The following CPB2 variants were observed in gnomAD, a reference collection of about 807,000 sequenced individuals.
CPB2 encodes carboxypeptidase B-like protein.
Under a neutral mutation model 57.0 loss-of-function variants are expected in CPB2, and 54 were observed. That is an observed-to-expected ratio of 0.95 (90% CI 0.76 to 1.19). The LOEUF is 1.19. Among genes scored for constraint, CPB2 ranks in the 50% most tolerant of loss-of-function variants. CPB2 has a pLI of 0.00. For missense variants in CPB2, 426 were observed against 512.0 expected (o/e 0.83, Z 1.62); for synonymous variants, 189 against 178.1 (o/e 1.06, Z -0.49).
intron 1 of CPB2, among the ~76,000 whole-genome samples, chr13:46,092,861 T>C (rs917035964): frequency 5.3e-5 from 8 of 152,110 alleles, no homozygotes; most frequent in South Asian, 2.1e-4. Flanking sequence ...AAGGTAACAT[T>C]TGAGCTGTGA....
At chr13:46,086,006 C>T (rs529766067) in intron 2 of CPB2, among the ~76,000 whole-genome samples, 7 of 152,084 alleles carry the variant, frequency 4.6e-5, no homozygotes, top group Non-Finnish European at 1.0e-4. Context: ...ATGCTGGCTG[C>T]GGCAGGGTGG....
chr13:46,053,361 A>T lies in CPB2; in HGVS notation c.*253T>A. The T allele has an allele frequency of 2.8e-6, 1 of 355,140 alleles. No individual in the cohort carries two copies. Among genetic ancestry groups the T allele is most frequent in the Non-Finnish European group, 4.9e-6 (1 of 203,380 alleles). 22.0% of individuals were successfully genotyped at this position (355,140 alleles called of 1,614,324 possible). A position where few individuals can be genotyped will look rare whatever the true frequency, so the allele number is the denominator to read the frequency against. On this transcript the variant is annotated 3_prime_UTR_variant, in exon 11 of 11. Transcript: ENST00000181383. ...ACGTCGAAACTTGCTTGAGATGGCT[A>T]GTCAAACGTCGAAAATCAAAGAAAA...
intron 2 of CPB2, among the ~76,000 whole-genome samples, chr13:46,085,443 T>C (rs1425618711): frequency 6.6e-6 from 1 of 152,156 alleles, no homozygotes; most frequent in Non-Finnish European, 1.5e-5. Flanking sequence ...GGTGACCCAC[T>C]AGAAGCTGAG....
At chr13:46,100,721 A>G (rs2045423936) in intron 1 of CPB2, 1 of 152,178 alleles carries the variant, frequency 6.6e-6, no homozygotes, top group African/African-American at 2.4e-5. Context: ...TTAAAATGAA[A>G]AGAAACACTT....
intron 6 of CPB2, among the ~76,000 whole-genome samples, chr13:46,068,335 T>C (rs534741128): frequency 6.6e-6 from 1 of 152,322 alleles, no homozygotes; most frequent in Non-Finnish European, 1.5e-5. Context: ...CTATTTTCCC[T>C]TTAAACGTTT....
Position 46,058,284 on chromosome 13 carries a change from T to C in CPB2, c.894A>G (p.Arg298=), listed in dbSNP as rs559840133. Residue 298 remains arginine (R), a synonymous_variant, in exon 9 of 11, where the codon AGA becomes AGG. Coordinates refer to ENST00000181383, the MANE Select transcript of CPB2 (RefSeq NM_001872.5). Reference sequence around the variant, plus strand: ...TGTATGCTTTAATCTGGTTGATATTTCTTCTCAAGAAACTAGCCACTGCCT... The same window carrying C: ...TGTATGCTTTAATCTGGTTGATATTCCTTCTCAAGAAACTAGCCACTGCCT... ...EVKAVASFLR[R]NINQIKAYIS... 6.2e-7 allele frequency: 1 copy of C among 1,614,140 alleles called. No homozygotes were observed. The highest frequency in any genetic ancestry group is 1.3e-5 in the African/African-American group (1 of 75,058).
chr13:46,101,584 G>T (rs2045434583), intron 1 of CPB2, among the ~76,000 whole-genome samples: 1 of 152,128 alleles, frequency 6.6e-6, no homozygotes, highest in South Asian at 2.1e-4. Flanking sequence ...AAAAACTAAA[G>T]CTGTGTTTCA....
intron 6 of CPB2, among the ~76,000 whole-genome samples, chr13:46,072,790 T>G (rs1395882966): frequency 6.6e-6 from 1 of 152,174 alleles, no homozygotes; most frequent in Non-Finnish European, 1.5e-5. Context: ...TAAATGTTCT[T>G]ACTCTCCTAC....
chr13:46,083,882 A>G (rs1012429192), intron 3 of CPB2, among the ~76,000 whole-genome samples: 11 of 152,190 alleles, frequency 7.2e-5, no homozygotes, highest in African/African-American at 2.4e-4. Context: ...CTGCTTTTTC[A>G]GGAGATATCA....
chr13:46,085,677 A>G (rs921505855), intron 2 of CPB2, among the ~76,000 whole-genome samples: 1 of 152,126 alleles, frequency 6.6e-6, no homozygotes, highest in African/African-American at 2.4e-5. Flanking sequence ...TCTATCCTCC[A>G]ACAGCATTCC....
chr13:46,082,500 CGTT>C lies in CPB2; in HGVS notation c.322_324del (p.Asn108del). The C allele has an allele frequency of 6.2e-7, 1 of 1,613,682 alleles. No individual in the cohort carries two copies. ...GCGGAGGCTCGGGGGCTGACTGTGT[CGTT>C]GGAAATCTGCTGTTGAATAAGATCT... is the stretch of plus-strand genomic sequence containing the variant. On this transcript the variant is annotated inframe_deletion, in exon 4 of 11. Coordinates refer to ENST00000181383, the MANE Select transcript of CPB2 (RefSeq NM_001872.5).
At position 46,085,977 on chromosome 13, in the gene CPB2, C is replaced by T. The variant is rs1250835606; in HGVS notation, c.151-1634G>A. ...GTGAGTGAGCAGGTGTGGGGTCCAG[C>T]TACTACACACAGCGAGGCATGCTGG... On this transcript the variant is annotated intron_variant, in intron 2 of 10. Transcript: ENST00000181383. 7.2e-5 allele frequency among the ~76,000 whole-genome samples: 11 copies of T among 152,232 alleles called. No individual in the cohort carries two copies. In the East Asian group the frequency reaches 2.1e-3, roughly 29 times the overall value.
At chr13:46,093,457 T>A (rs2045322979) in intron 1 of CPB2, among the ~76,000 whole-genome samples, 1 of 152,222 alleles carries the variant, frequency 6.6e-6, no homozygotes, top group South Asian at 2.1e-4. Flanking sequence ...CTAAAAACCA[T>A]GTGAATGCTC....
intron 5 of CPB2, among the ~76,000 whole-genome samples, chr13:46,078,478 C>G (rs184142813): frequency 5.5e-4 from 83 of 152,118 alleles, no homozygotes; most frequent in African/African-American, 1.9e-3. Flanking sequence ...AGAATTGAAG[C>G]CTTAACCCCC....
At chr13:46,085,758 T>G (rs2045193697) in intron 2 of CPB2, among the ~76,000 whole-genome samples, 1 of 152,174 alleles carries the variant, frequency 6.6e-6, no homozygotes, top group Non-Finnish European at 1.5e-5. Context: ...CAAGGAGCCA[T>G]CAATTTTGTA....
intron 8 of CPB2, among the ~76,000 whole-genome samples, chr13:46,061,486 G>T (rs1195528169): frequency 6.6e-6 from 1 of 152,142 alleles, no homozygotes; most frequent in Non-Finnish European, 1.5e-5. Context: ...CATAGGCATG[G>T]GGCTCTAATC....
At position 46,055,681 on chromosome 13, in the gene CPB2, T is replaced by G; in HGVS notation, c.1087+81A>C. ...TGTGACCCTATTTAATTCAGAAAAATTAAATACACAAAGAAAAACAGATCA... is the reference window on the plus strand; with the variant it reads ...TGTGACCCTATTTAATTCAGAAAAAGTAAATACACAAAGAAAAACAGATCA... On this transcript the variant is annotated intron_variant, in intron 10 of 10. Coordinates refer to ENST00000181383, the MANE Select transcript of CPB2 (RefSeq NM_001872.5). 2.5e-6 allele frequency: 2 copies of G among 791,960 alleles called. 1 individual carries two copies. Among genetic ancestry groups the G allele is most frequent in the South Asian group, 4.0e-5 (2 of 49,932 alleles). 49.1% of individuals were successfully genotyped at this position (791,960 alleles called of 1,614,324 possible).
At chr13:46,069,773 T>C (rs1188886100) in intron 6 of CPB2, among the ~76,000 whole-genome samples, 4 of 152,234 alleles carry the variant, frequency 2.6e-5, no homozygotes, top group African/African-American at 9.6e-5. Context: ...GTTTCCACTT[T>C]TTGACTATTA....
At chr13:46,065,359 G>A (rs1231593206) in intron 7 of CPB2, among the ~76,000 whole-genome samples, 2 of 152,142 alleles carry the variant, frequency 1.3e-5, no homozygotes, top group Non-Finnish European at 2.9e-5. Flanking sequence ...GGGCGCGGTG[G>A]CTCACGCCTG....
Sources: gnomAD v4.1 joint callset for allele counts (sites outside exome capture counted in the v4.1 genomes callset) on GRCh38, gnomAD v4.1.1 for gene constraint, MANE v1.5 for transcripts, NCBI Gene and HGNC (gene_info 2026-07-23, HGNC 2026-07-21) for gene names.